Variants in HOMER1 observed in about 807,000 individuals in gnomAD.
The protein encoded by HOMER1 is homer scaffold protein 1, also known as homer protein homolog 1.
A neutral mutation model predicts 48.9 loss-of-function variants in HOMER1; 3 were observed. The ratio of observed to expected loss-of-function variants is 0.06; its 90% confidence interval spans 0.03 to 0.16. The LOEUF is 0.16. Ranked by LOEUF, HOMER1 falls within the 10% of genes least tolerant of loss-of-function variation. HOMER1 has a pLI of 1.00. For synonymous variants in HOMER1, 134 were observed against 146.4 expected (o/e 0.92, Z 0.61); for missense variants, 247 against 411.4 (o/e 0.60, Z 3.46).
chr5:79,484,353 G>T (rs1752036921), intron 1 of HOMER1, among the ~76,000 whole-genome samples: 1 of 152,034 alleles, frequency 6.6e-6, no homozygotes, highest in Non-Finnish European at 1.5e-5. Flanking sequence ...GGAACAAACA[G>T]AACATACATA....
At chr5:79,492,907 CTTTTTTTTTTTTTTTTTT>C (rs558428061) in intron 1 of HOMER1, among the ~76,000 whole-genome samples, 1 of 84,030 alleles carries the variant, frequency 1.2e-5, no homozygotes, top group African/African-American at 4.2e-5. Context: ...AAAACTTTGT[CTTTTTTTTTTTTTTTTTT>C]TTTTTTTTTT....
At chr5:79,434,511 G>A (rs1451457405) in intron 5 of HOMER1, among the ~76,000 whole-genome samples, 1 of 152,044 alleles carries the variant, frequency 6.6e-6, no homozygotes, top group African/African-American at 2.4e-5. Context: ...TTCAAAGGAT[G>A]TTCAAGTGTA....
intron 7 of HOMER1, 25 bp from the exon 8 acceptor site, chr5:79,396,928 A>G (rs553148669): frequency 3.0e-5 from 39 of 1,279,102 alleles, no homozygotes; most frequent in Non-Finnish European, 4.2e-5. Context: ...GCAATGTCTT[A>G]ACATTCAAAC....
chr5:79,469,217 A>C (rs1161241332), intron 1 of HOMER1, among the ~76,000 whole-genome samples: 1 of 152,202 alleles, frequency 6.6e-6, no homozygotes, highest in Non-Finnish European at 1.5e-5. Flanking sequence ...CATGTTAGTC[A>C]AACTTTTAAC....
intron 1 of HOMER1, among the ~76,000 whole-genome samples, chr5:79,507,212 C>CAAAAAAAA (rs34697575): frequency 1.9e-5 from 1 of 51,910 alleles, no homozygotes. Context: ...GGCTCTATCT[C>CAAAAAAAA]AAAAAAAAAA....
chr5:79,383,644 A>C (rs1561342386), intron 8 of HOMER1, among the ~76,000 whole-genome samples: 1 of 152,098 alleles, frequency 6.6e-6, no homozygotes, highest in Non-Finnish European at 1.5e-5. Context: ...TTGGCCTCTC[A>C]AAGTGCTGGG....
intron 5 of HOMER1, among the ~76,000 whole-genome samples, chr5:79,420,739 C>T (rs1750073566): frequency 6.6e-6 from 1 of 152,048 alleles, no homozygotes; most frequent in Admixed American, 6.5e-5. Flanking sequence ...TCCAGAGCAC[C>T]CCATGGATCA....
At chr5:79,436,132 CA>C (rs11399045) in intron 5 of HOMER1, among the ~76,000 whole-genome samples, 1 of 144,966 alleles carries the variant, frequency 6.9e-6, no homozygotes. Flanking sequence ...GACTCCGTCT[CA>C]AAAAAAATAA....
intron 1 of HOMER1, among the ~76,000 whole-genome samples, chr5:79,491,631 G>A (rs373752369): frequency 2.0e-5 from 3 of 151,916 alleles, no homozygotes; most frequent in Non-Finnish European, 2.9e-5. Context: ...TTTTCCTTCC[G>A]ATCTCATTTT....
At chr5:79,379,242 TTA>T (rs1198245362) in intron 8 of HOMER1, among the ~76,000 whole-genome samples, 32 of 65,484 alleles carry the variant, frequency 4.9e-4, no homozygotes, top group African/African-American at 7.7e-4. Flanking sequence ...ATATTATATA[TTA>T]TATATATCTA....
intron 5 of HOMER1, among the ~76,000 whole-genome samples, chr5:79,431,656 A>G (rs1199812728): frequency 6.6e-6 from 1 of 152,234 alleles, no homozygotes; most frequent in Non-Finnish European, 1.5e-5. Context: ...AAGCTGAGAT[A>G]TAATAAAACA....
intron 1 of HOMER1, among the ~76,000 whole-genome samples, chr5:79,461,085 T>G (rs1170250059): frequency 6.6e-6 from 1 of 152,170 alleles, no homozygotes; most frequent in Non-Finnish European, 1.5e-5. Flanking sequence ...CAGGCTGGCA[T>G]GCAGAGTTTG....
At chr5:79,423,193 C>T (rs7708478) in intron 5 of HOMER1, among the ~76,000 whole-genome samples, 73,627 of 151,994 alleles carry the variant, frequency 0.48, 21,404 homozygotes, top group African/African-American at 0.81. Context: ...CATTGATCAA[C>T]ACTGTGTTTC....
chr5:79,408,188 T>C lies in HOMER1; in HGVS notation c.528-6133A>G, dbSNP rs115218271. 7.5e-3 allele frequency among the ~76,000 whole-genome samples: 1,146 copies of C among 152,270 alleles called. 10 individuals are homozygous for C. Among genetic ancestry groups the C allele is most frequent in the African/African-American group, 0.025 (1,027 of 41,542 alleles). On this transcript the variant is annotated intron_variant, in intron 5 of 8. Transcript: ENST00000334082. ...GAGTATGCAATATATCCCCTGTGGT[T>C]AAGGAGGGACTACTGCATAGTAATA...
intron 8 of HOMER1, among the ~76,000 whole-genome samples, chr5:79,389,872 T>C (rs1749204251): frequency 6.6e-6 from 1 of 152,112 alleles, no homozygotes; most frequent in African/African-American, 2.4e-5. Flanking sequence ...CTGTTTAGTA[T>C]TCTGACGAGG....
In HOMER1 at chr5:79,512,938, G is replaced by A. The variant is rs1580053255; in HGVS notation, c.-164C>T. 9.4e-6 allele frequency: 6 copies of A among 640,290 alleles called. No individual in the cohort carries two copies. The highest frequency in any genetic ancestry group is 9.3e-5 in the South Asian group (5 of 53,804). The allele number at this position is 640,290 out of a possible 1,614,324, so 39.7% of individuals were successfully genotyped here. On this transcript the variant is annotated 5_prime_UTR_variant, in exon 1 of 9. Coordinates refer to ENST00000334082, the MANE Select transcript of HOMER1 (RefSeq NM_004272.5). ...GCTGCCAATTCAATTAGTTCTCTTA[G>A]GTAAAATGATTTCTCTCTTGTAAAT...
intron 1 of HOMER1, among the ~76,000 whole-genome samples, chr5:79,502,934 G>A (rs965768020): frequency 7.2e-5 from 11 of 152,008 alleles, no homozygotes; most frequent in Admixed American, 2.0e-4. Context: ...GTGACTACAG[G>A]CGCCCGCCAC....
chr5:79,502,008 AC>A (rs1752605461), intron 1 of HOMER1, among the ~76,000 whole-genome samples: 1 of 148,196 alleles, frequency 6.7e-6, no homozygotes, highest in African/African-American at 2.5e-5. Context: ...AAGAACAGTA[AC>A]AGGTCCTGAT....
intron 5 of HOMER1, among the ~76,000 whole-genome samples, chr5:79,438,570 G>T (rs1037486699): frequency 6.6e-6 from 1 of 152,042 alleles, no homozygotes; most frequent in African/African-American, 2.4e-5. Flanking sequence ...TCATCTCAAA[G>T]ACTATGATAA....
Sources: allele counts gnomAD v4.1 joint callset (sites outside exome capture counted in the v4.1 genomes callset), GRCh38; gene constraint gnomAD v4.1.1; transcripts MANE v1.5; gene names NCBI Gene and HGNC (gene_info 2026-07-23, HGNC 2026-07-21).